FHOD3: variants seen among roughly 807,000 people sequenced by gnomAD.
FHOD3 encodes formin homology 2 domain containing 3.
FHOD3 carries 90 observed loss-of-function variants against 173.0 expected under a neutral mutation model. That is an observed-to-expected ratio of 0.52 (90% CI 0.44 to 0.62). FHOD3 has a LOEUF of 0.62. FHOD3 is among the 20% of genes least tolerant of loss of function. The pLI, the probability that FHOD3 is intolerant of heterozygous loss-of-function variation, is 0.00. For missense variants in FHOD3, 1,945 were observed against 2,034.7 expected, an observed-to-expected ratio of 0.96 and a Z score of 0.85; for synonymous variants, 828 against 823.0, an observed-to-expected ratio of 1.01 and a Z score of -0.10.
intron 1 of FHOD3, among the ~76,000 whole-genome samples, chr18:36,353,826 A>G (rs1456616788): frequency 3.3e-5 from 5 of 152,202 alleles, no homozygotes; most frequent in African/African-American, 9.6e-5. Flanking sequence ...GTCACAGTCC[A>G]GGATGGGTCA....
chr18:36,504,117 C>T (rs2055176998), intron 4 of FHOD3, among the ~76,000 whole-genome samples: 1 of 152,166 alleles, frequency 6.6e-6, no homozygotes, highest in African/African-American at 2.4e-5. Flanking sequence ...GATGGAGTTT[C>T]ACCATATTGG....
In FHOD3 at chr18:36,336,163, G is replaced by A. The variant is rs566466846; in HGVS notation, c.166-19376G>A. Among the ~76,000 whole-genome samples the A allele has an allele frequency of 1.5e-3, 225 of 152,224 alleles. 1 individual carries two copies. Among genetic ancestry groups the A allele is most frequent in the African/African-American group, 5.2e-3 (218 of 41,532 alleles). On this transcript the variant is annotated intron_variant, in intron 1 of 28. Transcript: ENST00000590592. ...TAGGCAAATTGTAAAATAAGCAGGC[G>A]GTGGTGCTCATGTGTGCACCTCTAT...
chr18:36,726,914 C>T (rs187858555), intron 19 of FHOD3, among the ~76,000 whole-genome samples: 47 of 152,342 alleles, frequency 3.1e-4, no homozygotes, highest in Non-Finnish European at 4.6e-4. Flanking sequence ...ACCTCGTGAT[C>T]TGCCCACCTC....
At chr18:36,728,678 G>T (rs1333009258) in intron 19 of FHOD3, among the ~76,000 whole-genome samples, 2 of 152,104 alleles carry the variant, frequency 1.3e-5, no homozygotes, top group Non-Finnish European at 2.9e-5. Flanking sequence ...AACTAAGTCT[G>T]GGAGGTTCCA....
chr18:36,637,619 C>A (rs1019671416), intron 10 of FHOD3, among the ~76,000 whole-genome samples: 3 of 152,184 alleles, frequency 2.0e-5, no homozygotes, highest in African/African-American at 7.2e-5. Context: ...TGAACATGAA[C>A]CTTACAAAAC....
At chr18:36,451,624 C>T (rs936634170) in intron 3 of FHOD3, among the ~76,000 whole-genome samples, 7 of 152,156 alleles carry the variant, frequency 4.6e-5, no homozygotes, top group East Asian at 1.9e-4. Context: ...CCTTCTCCTC[C>T]GGTGTCTTGG....
At chr18:36,664,047 T>G (rs1340718744) in intron 14 of FHOD3, among the ~76,000 whole-genome samples, 1 of 152,136 alleles carries the variant, frequency 6.6e-6, no homozygotes, top group Non-Finnish European at 1.5e-5. Context: ...TCCCAGATGC[T>G]TGCTGGCTGT....
At chr18:36,335,443 C>G (rs376098249) in intron 1 of FHOD3, among the ~76,000 whole-genome samples, 1 of 149,352 alleles carries the variant, frequency 6.7e-6, no homozygotes, top group African/African-American at 2.5e-5. Context: ...TGCAGTGAGC[C>G]GAGATCGCGC....
rs779013623 is a variant in FHOD3, at chr18:36,693,308, C to T, written c.2121C>T (p.Thr707=). The T allele has an allele frequency of 1.2e-6, 2 of 1,613,870 alleles. No individual in the cohort carries two copies. The highest frequency in any genetic ancestry group is 2.2e-5 in the East Asian group (1 of 44,866). ...RGRADLSLDL[T]SPAAPACLAP... ...GAGCCGACCTCTCCTTGGACCTGAC[C>T]TCGCCAGCAGCCCCAGCCTGCCTGG... The change falls in exon 17 of 29, where the codon ACC becomes ACT. Residue 707 remains threonine (T), a synonymous_variant. Transcript: ENST00000590592.
chr18:36,462,038 A>AG lies in FHOD3; in HGVS notation c.338-39893dup, dbSNP rs2052586761. 4.6e-5 allele frequency among the ~76,000 whole-genome samples: 7 copies of AG among 152,336 alleles called. No individual in the cohort carries two copies. The South Asian group carries it at 1.4e-3, about 32-fold the overall frequency. ...TAGAATAATATGCAAAAGTGAAAGTAGTTGTGGTAAATTTGGGATGATTTT... is the reference window on the plus strand; with the variant it reads ...TAGAATAATATGCAAAAGTGAAAGTAGGTTGTGGTAAATTTGGGATGATTTT... On this transcript the variant is annotated intron_variant, in intron 3 of 28. Coordinates refer to ENST00000590592, the MANE Select transcript of FHOD3 (RefSeq NM_001281740.3).
At chr18:36,412,797 C>T (rs144026760) in intron 3 of FHOD3, among the ~76,000 whole-genome samples, 31 of 152,180 alleles carry the variant, frequency 2.0e-4, no homozygotes, top group Middle Eastern at 3.4e-3. Context: ...TACAAAAAGC[C>T]GATATATAAT....
At chr18:36,530,465 G>A (rs2146837694) in intron 5 of FHOD3, among the ~76,000 whole-genome samples, 1 of 152,312 alleles carries the variant, frequency 6.6e-6, no homozygotes, top group African/African-American at 2.4e-5. Context: ...TGGCACAGAG[G>A]ACTTGTGTTT....
chr18:36,677,438 C>T (rs2037938071), intron 14 of FHOD3, among the ~76,000 whole-genome samples: 1 of 152,156 alleles, frequency 6.6e-6, no homozygotes, highest in Non-Finnish European at 1.5e-5. Flanking sequence ...CATGAGCCAC[C>T]ATGCCCAGCC....
chr18:36,582,275 C>T (rs2058879382), intron 6 of FHOD3, among the ~76,000 whole-genome samples: 1 of 152,168 alleles, frequency 6.6e-6, no homozygotes, highest in Non-Finnish European at 1.5e-5. Flanking sequence ...ACTGGCATGT[C>T]ACTGTTGTGT....
chr18:36,709,534 G>A, intron 18 of FHOD3, 143 bp downstream of exon 18: 1 of 924,132 alleles, frequency 1.1e-6, no homozygotes, highest in South Asian at 1.8e-5. Context: ...CCAGTGTCTG[G>A]GGACAAGGAG....
At chr18:36,571,919 C>T (rs2058466788) in intron 5 of FHOD3, among the ~76,000 whole-genome samples, 1 of 152,178 alleles carries the variant, frequency 6.6e-6, no homozygotes, top group South Asian at 2.1e-4. Context: ...ATCTTTGTGA[C>T]TTCTAGTTAG....
chr18:36,641,048 T>C (rs2148976402), intron 10 of FHOD3, among the ~76,000 whole-genome samples: 1 of 152,236 alleles, frequency 6.6e-6, no homozygotes, highest in Non-Finnish European at 1.5e-5. Flanking sequence ...CTCCAAGTAA[T>C]TGTCAATCTT....
Position 36,718,557 on chromosome 18 carries a change from C to T in FHOD3, c.3259C>T (p.Arg1087Cys), listed in dbSNP as rs761939836. Residue 1087 changes from arginine to cysteine, a missense_variant, in exon 19 of 29, where the codon CGT (arginine) becomes TGT (cysteine). Physicochemically the swap from Arg to Cys is radical, Grantham distance 180. This residue lies in a region of FHOD3 where 231 missense variants were observed against 321.9 expected (regional missense o/e 0.72). Coordinates refer to ENST00000590592, the MANE Select transcript of FHOD3 (RefSeq NM_001281740.3). ...ATTCACTAAGAAAAAGAAGACCATC[C>T]GTTTGTTCTGGAATGAAGTTCGGCC... ...PTFTKKKKTI[R>C]LFWNEVRPFD... 4 of 1,614,158 alleles carry T rather than the reference C, an allele frequency of 2.5e-6. No individual in the cohort carries two copies. The highest frequency in any genetic ancestry group is 2.2e-5 in the East Asian group (1 of 44,882).
At chr18:36,410,924 T>C (rs1380921400) in intron 3 of FHOD3, among the ~76,000 whole-genome samples, 3 of 152,200 alleles carry the variant, frequency 2.0e-5, no homozygotes, top group East Asian at 1.9e-4. Context: ...TTATCAGATA[T>C]ACGCTTTGCA....
Sources: gnomAD v4.1 joint callset for allele counts (sites outside exome capture counted in the v4.1 genomes callset) on GRCh38, gnomAD v4.1.1 for gene constraint, gnomAD v4.1.1 regional missense constraint, MANE v1.5 for transcripts, NCBI Gene and HGNC (gene_info 2026-07-23, HGNC 2026-07-21) for gene names.